OSBPL8: variants seen among roughly 807,000 people sequenced by gnomAD.
OSBPL8 encodes oxysterol binding protein like 8.
A neutral mutation model predicts 125.5 loss-of-function variants in OSBPL8; 59 were observed. That is an observed-to-expected ratio of 0.47 (90% CI 0.38 to 0.58). The LOEUF (loss-of-function observed/expected upper bound fraction) is 0.58. OSBPL8 is among the 20% of genes least tolerant of loss of function. The pLI is 0.00. For missense variants in OSBPL8, 758 were observed against 1,047.8 expected, an observed-to-expected ratio of 0.72 and a Z score of 3.82; for synonymous variants, 330 against 338.9, an observed-to-expected ratio of 0.97 and a Z score of 0.29.
At chr12:76,503,064 A>G (rs968532629) in intron 1 of OSBPL8, among the ~76,000 whole-genome samples, 5 of 152,198 alleles carry the variant, frequency 3.3e-5, no homozygotes, top group African/African-American at 2.4e-5. Flanking sequence ...CTCTTTGGGG[A>G]AAAAGTACAT....
intron 3 of OSBPL8, among the ~76,000 whole-genome samples, 158 bp downstream of exon 3, chr12:76,459,701 A>C (rs527609674): frequency 6.6e-6 from 1 of 152,328 alleles, no homozygotes; most frequent in African/African-American, 2.4e-5. Context: ...CTGGGTACTA[A>C]ATGACCATTT....
chr12:76,388,785 G>A (rs1240110392), intron 12 of OSBPL8, among the ~76,000 whole-genome samples: 2 of 151,836 alleles, frequency 1.3e-5, no homozygotes, highest in East Asian at 1.9e-4. Flanking sequence ...TTTTTAGGGA[G>A]GTTAACATTT....
At chr12:76,410,489 G>C (rs1954468929) in intron 5 of OSBPL8, 75 bp downstream of exon 5, 1 of 1,088,760 alleles carries the variant, frequency 9.2e-7, no homozygotes, top group Admixed American at 1.9e-5. Context: ...AAGCTTCATA[G>C]GATTTCAGTG....
intron 1 of OSBPL8, among the ~76,000 whole-genome samples, chr12:76,556,717 G>A (rs1310914146): frequency 6.6e-6 from 1 of 152,170 alleles, no homozygotes; most frequent in Non-Finnish European, 1.5e-5. Flanking sequence ...AGGCTGGAGT[G>A]CAATGGCATG....
At chr12:76,448,274 CCT>C (rs1224603462) in intron 4 of OSBPL8, among the ~76,000 whole-genome samples, 11 of 152,088 alleles carry the variant, frequency 7.2e-5, no homozygotes, top group Non-Finnish European at 5.9e-5. Context: ...TTTTAACTTC[CCT>C]GTTTGCCTGA....
chr12:76,502,294 C>T (rs1197736018), intron 1 of OSBPL8, among the ~76,000 whole-genome samples: 1 of 152,150 alleles, frequency 6.6e-6, no homozygotes, highest in East Asian at 1.9e-4. Flanking sequence ...TTTTTGCATC[C>T]TGTCCCCATA....
intron 1 of OSBPL8, among the ~76,000 whole-genome samples, chr12:76,556,808 C>A (rs1164652022): frequency 2.6e-5 from 4 of 152,142 alleles, no homozygotes; most frequent in African/African-American, 9.7e-5. Flanking sequence ...GGATTACAGG[C>A]ACACACTGCC....
intron 2 of OSBPL8, among the ~76,000 whole-genome samples, chr12:76,468,222 A>G (rs772088074): frequency 2.0e-5 from 3 of 152,032 alleles, no homozygotes; most frequent in Non-Finnish European, 4.4e-5. Flanking sequence ...TCCTCCACTA[A>G]AGAACATCTG....
At chr12:76,471,878 T>C (rs1401610283) in intron 2 of OSBPL8, among the ~76,000 whole-genome samples, 1 of 152,236 alleles carries the variant, frequency 6.6e-6, no homozygotes, top group Non-Finnish European at 1.5e-5. Flanking sequence ...CATTCTCACC[T>C]TCACCAGGCA....
chr12:76,510,364 T>C (rs1203690724), intron 1 of OSBPL8, among the ~76,000 whole-genome samples: 1 of 152,206 alleles, frequency 6.6e-6, no homozygotes, highest in Non-Finnish European at 1.5e-5. Context: ...CAGGCAAAAC[T>C]ATATCATCAG....
chr12:76,482,913 G>A (rs1350072113), intron 2 of OSBPL8, among the ~76,000 whole-genome samples: 1 of 152,076 alleles, frequency 6.6e-6, no homozygotes, highest in Non-Finnish European at 1.5e-5. Context: ...AGCACTACCA[G>A]AAAAATAGAA....
rs1178120742 is a variant in OSBPL8, at chr12:76,487,023, T to TC, written c.42+486_42+487insG. 4.4e-5 allele frequency among the ~76,000 whole-genome samples: 6 copies of TC among 137,034 alleles called. No homozygotes were observed. The East Asian group carries it at 1.2e-3, about 28-fold the overall frequency. The allele number at this position is 137,034 out of a possible 152,430, so 89.9% of individuals were successfully genotyped here. A position where few individuals can be genotyped will look rare whatever the true frequency, so the allele number is the denominator to read the frequency against. The stretch of plus-strand genomic sequence containing the variant: ...ACTTTAAGCTATTTGCAATTTTCAT[T>TC]TTTTTTTTTTTTTTTTTTTTTTTAG... On this transcript the variant is annotated intron_variant, in intron 2 of 23. Coordinates refer to ENST00000261183, the MANE Select transcript of OSBPL8 (RefSeq NM_020841.5).
chr12:76,377,694 C>T (rs1457119025), intron 16 of OSBPL8, among the ~76,000 whole-genome samples: 3 of 151,834 alleles, frequency 2.0e-5, no homozygotes, highest in African/African-American at 7.3e-5. Flanking sequence ...TTTAAGAAAC[C>T]GGTTGGAAGG....
chr12:76,388,726 G>C (rs1238727314), intron 12 of OSBPL8, among the ~76,000 whole-genome samples: 3 of 151,862 alleles, frequency 2.0e-5, no homozygotes, highest in Admixed American at 6.6e-5. Flanking sequence ...TCCTTTTTCT[G>C]TAAGTTTCCT....
chr12:76,545,483 T>C (rs1950758549), intron 1 of OSBPL8, among the ~76,000 whole-genome samples: 1 of 152,192 alleles, frequency 6.6e-6, no homozygotes, highest in Non-Finnish European at 1.5e-5. Context: ...GGTTCATTAC[T>C]AAGGATCAAA....
chr12:76,372,813 G>A (rs1015769661), intron 18 of OSBPL8, among the ~76,000 whole-genome samples: 1 of 152,144 alleles, frequency 6.6e-6, no homozygotes. Flanking sequence ...TCCTTTCCAT[G>A]TTCCACTGAA....
At chr12:76,454,203 A>G (rs1264123171) in intron 3 of OSBPL8, among the ~76,000 whole-genome samples, 1 of 152,220 alleles carries the variant, frequency 6.6e-6, no homozygotes, top group Non-Finnish European at 1.5e-5. Context: ...TTTTACAGGT[A>G]TATACCAAGA....
chr12:76,448,023 G>A (rs192491114), intron 4 of OSBPL8, among the ~76,000 whole-genome samples: 76 of 152,292 alleles, frequency 5.0e-4, no homozygotes, highest in African/African-American at 1.6e-3. Flanking sequence ...ATATAGACTA[G>A]GTGTTAGGTT....
intron 1 of OSBPL8, among the ~76,000 whole-genome samples, chr12:76,511,780 T>C (rs1881021180): frequency 6.6e-6 from 1 of 152,224 alleles, no homozygotes; most frequent in Admixed American, 6.5e-5. Context: ...TCTGATGTCT[T>C]TGTCATAAAA....
Sources: allele counts gnomAD v4.1 joint callset (sites outside exome capture counted in the v4.1 genomes callset), GRCh38; gene constraint gnomAD v4.1.1; transcripts MANE v1.5; gene names NCBI Gene and HGNC (gene_info 2026-07-23, HGNC 2026-07-21).